S100Z: variants seen among roughly 807,000 people sequenced by gnomAD.
S100Z encodes S100 calcium binding protein Z.
A neutral mutation model predicts 8.5 loss-of-function variants in S100Z; 11 were observed. The ratio of observed to expected loss-of-function variants is 1.30; its 90% CI spans 0.82 to 2.15. The LOEUF is 2.15. Ranked by LOEUF, S100Z falls within the 30% of genes most tolerant of loss-of-function variation. The pLI, the probability that S100Z is intolerant of heterozygous loss-of-function variation, is 0.00. For missense variants in S100Z, 126 were observed against 117.9 expected (o/e 1.07, Z -0.32); for synonymous variants, 34 against 43.8 (o/e 0.78, Z 0.89).
At chr5:76,879,035 C>G (rs2150645455) in intron 4 of S100Z, among the ~76,000 whole-genome samples, 1 of 152,286 alleles carries the variant, frequency 6.6e-6, no homozygotes, top group South Asian at 2.1e-4. Flanking sequence ...TATTTCCTAG[C>G]CTCTCTAACA....
the S100Z span, among the ~76,000 whole-genome samples, chr5:76,933,386 T>C: frequency 5.9e-5 from 9 of 152,294 alleles, no homozygotes; most frequent in Non-Finnish European, 1.0e-4. Flanking sequence ...ATTTCTAGAA[T>C]TGGGACCCAG....
chr5:76,893,860 C>T (rs1048103218), intron 4 of S100Z, among the ~76,000 whole-genome samples: 4 of 152,152 alleles, frequency 2.6e-5, no homozygotes, highest in Admixed American at 2.6e-4. Flanking sequence ...TCTACTATCT[C>T]CTTTTGCAAA....
At position 76,905,031 on chromosome 5, in the gene S100Z, A is replaced by G. The variant is rs570980177; in HGVS notation, c.*3-15686A>G. ...CAGAACATTTGGCAATATCGAAGAC[A>G]TTTTTGGTTGATTGGGGACAGAGTT... On this transcript the variant is annotated intron_variant, in intron 4 of 4. Coordinates refer to ENST00000317593, the MANE Select transcript of S100Z (RefSeq NM_130772.4). Among the ~76,000 whole-genome samples, 10 of 152,310 alleles carry G rather than the reference A, an allele frequency of 6.6e-5. No individual in the cohort carries two copies. The South Asian group carries it at 1.9e-3, about 28-fold the overall frequency.
chr5:76,929,061 G>A, the S100Z span, among the ~76,000 whole-genome samples: 17 of 152,314 alleles, frequency 1.1e-4, 1 homozygote, highest in African/African-American at 3.8e-4. Flanking sequence ...TGTCTCTTGA[G>A]TTACCTTCAG....
intron 4 of S100Z, among the ~76,000 whole-genome samples, chr5:76,893,402 G>A (rs1288653247): frequency 6.6e-6 from 1 of 152,142 alleles, no homozygotes. Flanking sequence ...AAATTAGCTG[G>A]TGTGGTGGCA....
rs991410222 is a variant in S100Z at position 76,875,194 on chromosome 5, C to T, written c.-56-110C>T. The stretch of plus-strand genomic sequence containing the variant: ...GCTTGAGCCACCGCGCCTGCGCAGA[C>T]TATTATGTTTTTAACAACCATCACT... On this transcript the variant is annotated intron_variant, in intron 2 of 4. Coordinates refer to ENST00000317593, the MANE Select transcript of S100Z (RefSeq NM_130772.4). 12 of 619,780 alleles carry T rather than the reference C, an allele frequency of 1.9e-5. No individual in the cohort carries two copies. In the African/African-American group the frequency reaches 2.2e-4, roughly 12 times the overall value. 38.4% of individuals were successfully genotyped at this position (619,780 alleles called of 1,614,324 possible).
At position 76,866,750 on chromosome 5, in the gene S100Z, C is replaced by T. The variant is rs552124697; in HGVS notation, c.-175-3416C>T. ...GGTGTGTAGTGGGCTGTACCATCTACGTGTGTGTAAGTATACCCTATGATG... is the reference window on the plus strand; with the variant it reads ...GGTGTGTAGTGGGCTGTACCATCTATGTGTGTGTAAGTATACCCTATGATG... On this transcript the variant is annotated intron_variant, in intron 1 of 4. Transcript: ENST00000317593. Among the ~76,000 whole-genome samples the T allele has an allele frequency of 2.9e-3, 445 of 152,306 alleles. 3 individuals carry two copies. Among genetic ancestry groups the T allele is most frequent in the Non-Finnish European group, 4.2e-3 (285 of 68,036 alleles).
chr5:76,934,151 A>G, the S100Z span, among the ~76,000 whole-genome samples: 1 of 152,210 alleles, frequency 6.6e-6, no homozygotes, highest in South Asian at 2.1e-4. Flanking sequence ...TCCAAGGTCC[A>G]TGCTCTTAAT....
chr5:76,936,181 A>G, the S100Z span, among the ~76,000 whole-genome samples: 2 of 152,176 alleles, frequency 1.3e-5, no homozygotes, highest in Non-Finnish European at 2.9e-5. Context: ...AAATAAAATA[A>G]TATCGTATGC....
chr5:76,862,290 G>T lies in S100Z; in HGVS notation c.-175-7876G>T, dbSNP rs573379101. Among the ~76,000 whole-genome samples, 8 of 152,264 alleles carry T rather than the reference G, an allele frequency of 5.3e-5. No individual in the cohort carries two copies. The South Asian group carries it at 1.2e-3, about 24-fold the overall frequency. On this transcript the variant is annotated intron_variant, in intron 1 of 4. Coordinates refer to ENST00000317593, the MANE Select transcript of S100Z (RefSeq NM_130772.4). ...GGGGCATAAGCAAGGAATAGCAGGG[G>T]CAGCCAGATCGCATAAGCAAGGGAA... is the stretch of plus-strand genomic sequence containing the variant.
At chr5:76,910,473 A>G (rs774081718) in intron 4 of S100Z, among the ~76,000 whole-genome samples, 1 of 152,194 alleles carries the variant, frequency 6.6e-6, no homozygotes, top group Non-Finnish European at 1.5e-5. Context: ...CATGGTTCAG[A>G]GAGGACAGAA....
At chr5:76,923,194 T>G (rs1745078513), downstream of S100Z, among the ~76,000 whole-genome samples, 1 of 152,184 alleles carries the variant, frequency 6.6e-6, no homozygotes, top group Non-Finnish European at 1.5e-5. Context: ...CAGATTACAT[T>G]TGGTTCTTAA....
At position 76,921,538 on chromosome 5, in the gene S100Z, T is replaced by C. The variant is rs1021224455; in HGVS notation, c.*824T>C. ...TTTAAAAGTATTCATAATTTTCTGA[T>C]AATAAAAGTAAGACATGGCATTATG... is the stretch of plus-strand genomic sequence containing the variant. On this transcript the variant is annotated 3_prime_UTR_variant, in exon 5 of 5. Transcript: ENST00000317593. 4 of 152,198 alleles carry C rather than the reference T, an allele frequency of 2.6e-5. No individual in the cohort carries two copies. Among genetic ancestry groups the C allele is most frequent in the Non-Finnish European group, 5.9e-5 (4 of 68,034 alleles). The allele number at this position is 152,198 out of a possible 1,614,324, so 9.4% of individuals were successfully genotyped here.
intron 4 of S100Z, among the ~76,000 whole-genome samples, chr5:76,918,122 C>G (rs1467868614): frequency 6.6e-6 from 1 of 152,022 alleles, no homozygotes; most frequent in Non-Finnish European, 1.5e-5. Flanking sequence ...CAATTTGTAC[C>G]TCCATACCTC....
At chr5:76,867,025 A>G (rs1303483011) in intron 1 of S100Z, among the ~76,000 whole-genome samples, 1 of 152,202 alleles carries the variant, frequency 6.6e-6, no homozygotes, top group East Asian at 1.9e-4. Flanking sequence ...CATGGGTCTG[A>G]GTCTCAGCTC....
intron 2 of S100Z, among the ~76,000 whole-genome samples, chr5:76,874,603 T>G (rs1402049257): frequency 6.6e-6 from 1 of 152,042 alleles, no homozygotes; most frequent in African/African-American, 2.4e-5. Flanking sequence ...CGTTTCCCCC[T>G]CCCCCACGTA....
intron 4 of S100Z, among the ~76,000 whole-genome samples, chr5:76,893,302 T>A (rs1474337970): frequency 6.6e-6 from 1 of 152,120 alleles, no homozygotes; most frequent in East Asian, 1.9e-4. Flanking sequence ...GAGAACAGGC[T>A]CCTTTTCAAA....
At chr5:76,887,328 A>G (rs1743681249) in intron 4 of S100Z, among the ~76,000 whole-genome samples, 1 of 145,716 alleles carries the variant, frequency 6.9e-6, no homozygotes, top group African/African-American at 2.5e-5. Flanking sequence ...CGATCTCCTG[A>G]CCTTGTAATC....
At chr5:76,900,248 T>G (rs1227113949) in intron 4 of S100Z, among the ~76,000 whole-genome samples, 2 of 152,236 alleles carry the variant, frequency 1.3e-5, no homozygotes, top group Non-Finnish European at 2.9e-5. Flanking sequence ...TTCTATAACC[T>G]TCTTGCACTT....
Sources: gnomAD v4.1 joint callset for allele counts (sites outside exome capture counted in the v4.1 genomes callset) on GRCh38, gnomAD v4.1.1 for gene constraint, MANE v1.5 for transcripts, NCBI Gene and HGNC (gene_info 2026-07-23, HGNC 2026-07-21) for gene names.